AAK1: variants seen among roughly 807,000 people sequenced by gnomAD.
AAK1 encodes the protein AP2 associated kinase 1, also known as AP2-associated protein kinase 1.
AAK1 carries 37 observed loss-of-function variants against 116.0 expected under a neutral mutation model. That is an observed-to-expected ratio of 0.32 (90% confidence interval 0.25 to 0.42). The LOEUF is 0.42. AAK1 is among the 10% of genes least tolerant of loss of function. AAK1 has a pLI of 1.00. For synonymous variants in AAK1, 458 were observed against 439.9 expected, an observed-to-expected ratio of 1.04 and a Z score of -0.51; for missense variants, 919 against 1,170.6, an observed-to-expected ratio of 0.79 and a Z score of 3.14.
At chr2:69,525,205 T>C in intron 9 of AAK1, 93 bp from the exon 10 acceptor site, 2 of 1,280,238 alleles carry the variant, frequency 1.6e-6, no homozygotes, top group African/African-American at 1.5e-5. Context: ...TGAGAGCTGA[T>C]GGAAACACAT....
rs916722883 is a variant in AAK1 at position 69,463,969 on chromosome 2, T to C, written c.*11900A>G. The C allele has an allele frequency of 2.0e-5, 3 of 152,608 alleles. No individual in the cohort carries two copies. Among genetic ancestry groups the C allele is most frequent in the African/African-American group, 7.2e-5 (3 of 41,444 alleles). The allele number at this position is 152,608 out of a possible 1,614,324, so 9.5% of individuals were successfully genotyped here. ...CCTGGCCAGCTTTATTTTAAGGCAC[T>C]AATAATAAAGGGTATGAAAAAAGCT... On this transcript the variant is annotated 3_prime_UTR_variant, in exon 22 of 22. Coordinates refer to ENST00000409085, the MANE Select transcript of AAK1 (RefSeq NM_014911.5).
intron 2 of AAK1, among the ~76,000 whole-genome samples, chr2:69,567,513 G>A (rs1403910265): frequency 2.0e-5 from 3 of 152,144 alleles, no homozygotes; most frequent in Non-Finnish European, 2.9e-5. Flanking sequence ...AGGTTCTCAA[G>A]TGTTTGTTAT....
intron 16 of AAK1, among the ~76,000 whole-genome samples, chr2:69,499,165 G>C (rs1675872146): frequency 6.6e-6 from 1 of 152,118 alleles, no homozygotes; most frequent in Non-Finnish European, 1.5e-5. Context: ...TGGGAAGTGG[G>C]GATGGGATGG....
intron 16 of AAK1, among the ~76,000 whole-genome samples, chr2:69,502,371 C>T (rs1676010869): frequency 6.6e-6 from 1 of 151,670 alleles, no homozygotes; most frequent in Admixed American, 6.6e-5. Flanking sequence ...TCTGTAATCC[C>T]AGCACTTTGG....
At chr2:69,591,517 C>CTTTTTTTTTTTTTTTTT (rs200675453) in intron 2 of AAK1, among the ~76,000 whole-genome samples, 1 of 135,062 alleles carries the variant, frequency 7.4e-6, no homozygotes, top group African/African-American at 2.7e-5. Context: ...TTCTTTTTTT[C>CTTTTTTTTTTTTTTTTT]TTTTTCTTTT....
intron 19 of AAK1, 40 bp downstream of exon 19, chr2:69,480,820 C>A (rs376397801): frequency 2.3e-5 from 36 of 1,532,762 alleles, no homozygotes; most frequent in Non-Finnish European, 3.2e-5. Context: ...AGGTTCACCA[C>A]ACCGACCAGT....
intron 2 of AAK1, among the ~76,000 whole-genome samples, chr2:69,632,958 G>A (rs573814298): frequency 2.6e-5 from 4 of 152,172 alleles, no homozygotes; most frequent in East Asian, 3.9e-4. Flanking sequence ...GTGTGAACCC[G>A]GGAGGCAGAG....
intron 2 of AAK1, among the ~76,000 whole-genome samples, chr2:69,608,286 G>A (rs963189792): frequency 1.3e-5 from 2 of 152,216 alleles, no homozygotes; most frequent in African/African-American, 4.8e-5. Context: ...TCCCTGCCCA[G>A]GCCAACAGCT....
At position 69,521,066 on chromosome 2, in the gene AAK1, C is replaced by T. The variant is rs534536282; in HGVS notation, c.1056-78G>A. ...GAGTGGGCAGAGGACACAATGCTTCCGCTTCCACATCGACCCAAACCTTCC... is the reference window on the plus strand; with the variant it reads ...GAGTGGGCAGAGGACACAATGCTTCTGCTTCCACATCGACCCAAACCTTCC... On this transcript the variant is annotated intron_variant, in intron 10 of 21. Transcript: ENST00000409085. 78 of 1,502,566 alleles carry T rather than the reference C, an allele frequency of 5.2e-5. No individual in the cohort carries two copies. The Admixed American group carries it at 9.2e-4, about 18-fold the overall frequency. The allele number at this position is 1,502,566 out of a possible 1,614,324, so 93.1% of individuals were successfully genotyped here.
chr2:69,501,643 T>C (rs536062159), intron 16 of AAK1, among the ~76,000 whole-genome samples: 4 of 152,346 alleles, frequency 2.6e-5, no homozygotes, highest in East Asian at 1.9e-4. Context: ...AATATGTTAC[T>C]ATGTGTTCCT....
intron 2 of AAK1, among the ~76,000 whole-genome samples, chr2:69,576,994 C>T (rs1289838532): frequency 3.3e-5 from 5 of 152,260 alleles, no homozygotes; most frequent in African/African-American, 4.8e-5. Flanking sequence ...CTTAACAGCA[C>T]ATCTGTTTAG....
At chr2:69,632,859 C>G (rs1475486954) in intron 2 of AAK1, among the ~76,000 whole-genome samples, 1 of 151,916 alleles carries the variant, frequency 6.6e-6, no homozygotes, top group Non-Finnish European at 1.5e-5. Flanking sequence ...CGGTGAAACC[C>G]CGTCTCTACT....
intron 5 of AAK1, among the ~76,000 whole-genome samples, chr2:69,540,464 C>T (rs1255039059): frequency 1.3e-5 from 2 of 152,180 alleles, no homozygotes; most frequent in African/African-American, 4.8e-5. Flanking sequence ...TGACTGTGCG[C>T]AGAGGTACAC....
chr2:69,540,326 G>A (rs1670654779), intron 5 of AAK1, among the ~76,000 whole-genome samples: 1 of 152,030 alleles, frequency 6.6e-6, no homozygotes. Context: ...TCACCATGTT[G>A]GCCAGGCTGG....
At position 69,472,790 on chromosome 2, in the gene AAK1, A is replaced by C. The variant is rs926868485; in HGVS notation, c.*3079T>G. On this transcript the variant is annotated 3_prime_UTR_variant, in exon 22 of 22. Transcript: ENST00000409085. ...GTAGATGCCTGATTATACATTTAAA[A>C]AGAAATCTTCTGATACCATTTTATT... is the stretch of plus-strand genomic sequence containing the variant. The C allele has an allele frequency of 3.1e-6, 3 of 981,872 alleles. No homozygotes were observed. The highest frequency in any genetic ancestry group is 3.6e-6 in the Non-Finnish European group (3 of 827,828). The allele number at this position is 981,872 out of a possible 1,614,324, so 60.8% of individuals were successfully genotyped here.
chr2:69,557,859 A>T lies in AAK1; in HGVS notation c.164-881T>A, dbSNP rs79657129. 6.5e-3 allele frequency among the ~76,000 whole-genome samples: 992 copies of T among 152,242 alleles called. 21 individuals carry two copies. Among genetic ancestry groups the T allele is most frequent in the East Asian group, 0.013 (66 of 5,184 alleles). Reference sequence around the variant, plus strand: ...TCTTTTCTTCTCATCCTATCACTCAATTCGAATCTAGAAACAGACCTAAAG... The same window carrying T: ...TCTTTTCTTCTCATCCTATCACTCATTTCGAATCTAGAAACAGACCTAAAG... On this transcript the variant is annotated intron_variant, in intron 2 of 21. Coordinates refer to ENST00000409085, the MANE Select transcript of AAK1 (RefSeq NM_014911.5).
Position 69,466,690 on chromosome 2 carries a change from A to G in AAK1, c.*9179T>C, listed in dbSNP as rs1674497207. The G allele has an allele frequency of 9.0e-7, 1 of 1,113,090 alleles. No individual in the cohort carries two copies. The highest frequency in any genetic ancestry group is 1.7e-5 in the African/African-American group (1 of 60,480). 69.0% of individuals were successfully genotyped at this position (1,113,090 alleles called of 1,614,324 possible). A position where few individuals can be genotyped will look rare whatever the true frequency, so the allele number is the denominator to read the frequency against. On this transcript the variant is annotated 3_prime_UTR_variant, in exon 22 of 22. Transcript: ENST00000409085. The stretch of plus-strand genomic sequence containing the variant: ...ATGCAACAGGAAAAACATAAAAATA[A>G]AAGTCAGGCAAGGAAACTGCACACA...
chr2:69,564,777 G>A (rs1671792749), intron 2 of AAK1, among the ~76,000 whole-genome samples: 1 of 152,122 alleles, frequency 6.6e-6, no homozygotes, highest in African/African-American at 2.4e-5. Context: ...CCACGTGATT[G>A]TATCAACCAG....
intron 13 of AAK1, among the ~76,000 whole-genome samples, chr2:69,512,425 T>C (rs1676427083): frequency 1.3e-5 from 2 of 152,356 alleles, no homozygotes; most frequent in South Asian, 2.1e-4. Flanking sequence ...GTACAGACTT[T>C]ATAACCGTGC....
Sources: gnomAD v4.1 joint callset for allele counts (sites outside exome capture counted in the v4.1 genomes callset) on GRCh38, gnomAD v4.1.1 for gene constraint, MANE v1.5 for transcripts, NCBI Gene and HGNC (gene_info 2026-07-23, HGNC 2026-07-21) for gene names.